The following PTGER3 variants were observed in gnomAD, a reference collection of about 807,000 sequenced individuals.
PTGER3 encodes the protein prostaglandin E2 receptor EP3 subtype.
Under a neutral mutation model 34.7 loss-of-function variants are expected in PTGER3, and 22 were observed. That is an observed-to-expected ratio of 0.63 (90% CI 0.45 to 0.91). The LOEUF is 0.91. Among genes scored for constraint, PTGER3 ranks in the 40% least tolerant of loss-of-function variants. The pLI is 0.00. For missense variants in PTGER3, 468 were observed against 519.4 expected, an observed-to-expected ratio of 0.90 and a Z score of 0.96; for synonymous variants, 241 against 230.1, an observed-to-expected ratio of 1.05 and a Z score of -0.43.
chr1:70,935,119 T>C (rs909117026), intron 4 of PTGER3, among the ~76,000 whole-genome samples: 2 of 151,960 alleles, frequency 1.3e-5, no homozygotes, highest in Admixed American at 1.3e-4. Context: ...TGCAAGAAAG[T>C]ATCTACAGGA....
intron 4 of PTGER3, among the ~76,000 whole-genome samples, chr1:70,903,934 G>T (rs902810589): frequency 6.6e-6 from 1 of 152,114 alleles, no homozygotes; most frequent in Non-Finnish European, 1.5e-5. Context: ...GAGTGATGTG[G>T]TTTTGCTGTG....
chr1:70,916,712 T>G (rs1647181887), intron 4 of PTGER3, among the ~76,000 whole-genome samples: 1 of 151,994 alleles, frequency 6.6e-6, no homozygotes, highest in Non-Finnish European at 1.5e-5. Context: ...CAATAGATAC[T>G]GCAGACAACT....
intron 2 of PTGER3, chr1:71,009,979 G>C: frequency 1.0e-6 from 1 of 985,020 alleles, no homozygotes; most frequent in Non-Finnish European, 1.2e-6. Context: ...CGAATGCCTA[G>C]ATAATAAAAC....
intron 4 of PTGER3, among the ~76,000 whole-genome samples, chr1:70,931,109 G>T (rs1338486302): frequency 6.6e-6 from 1 of 152,144 alleles, no homozygotes; most frequent in Non-Finnish European, 1.5e-5. Context: ...AAAACAAAGG[G>T]GTTTCAGGGC....
intron 1 of PTGER3, among the ~76,000 whole-genome samples, chr1:71,039,663 AAAAAAAAG>A (rs1160055252): frequency 1.1e-4 from 16 of 147,136 alleles, no homozygotes; most frequent in African/African-American, 2.0e-4. Context: ...AAAAAAAAAA[AAAAAAAAG>A]AAAAAAAGAA....
chr1:70,995,414 A>G (rs1469462758), intron 2 of PTGER3, among the ~76,000 whole-genome samples: 2 of 152,148 alleles, frequency 1.3e-5, no homozygotes, highest in Admixed American at 1.3e-4. Flanking sequence ...TCTGCTCTTG[A>G]AATAGATAGT....
intron 2 of PTGER3, among the ~76,000 whole-genome samples, chr1:70,996,274 A>C (rs1325162707): frequency 6.6e-6 from 1 of 152,140 alleles, no homozygotes; most frequent in African/African-American, 2.4e-5. Flanking sequence ...TGAATAGTTA[A>C]GTAGTAATTA....
intron 4 of PTGER3, among the ~76,000 whole-genome samples, chr1:70,864,042 C>A (rs1428900654): frequency 6.6e-6 from 1 of 152,074 alleles, no homozygotes; most frequent in Non-Finnish European, 1.5e-5. Context: ...AATCGGGTAG[C>A]AGTTGTAGCA....
intron 4 of PTGER3, among the ~76,000 whole-genome samples, chr1:70,914,823 A>G (rs1197856113): frequency 6.6e-6 from 1 of 151,962 alleles, no homozygotes; most frequent in Non-Finnish European, 1.5e-5. Flanking sequence ...GGCTCTGAGG[A>G]GTAAAGTAAG....
intron 4 of PTGER3, among the ~76,000 whole-genome samples, chr1:70,919,943 C>A (rs536821953): frequency 6.6e-6 from 1 of 152,078 alleles, no homozygotes; most frequent in Admixed American, 6.6e-5. Context: ...GTATTGAGTT[C>A]CGCTAGCCTA....
At chr1:70,922,727 T>C (rs949205806) in intron 4 of PTGER3, among the ~76,000 whole-genome samples, 1 of 152,240 alleles carries the variant, frequency 6.6e-6, no homozygotes, top group African/African-American at 2.4e-5. Context: ...AAGTAAAATG[T>C]GTTTTTTGTA....
At chr1:70,979,268 C>G (rs548062128) in intron 2 of PTGER3, among the ~76,000 whole-genome samples, 1 of 150,374 alleles carries the variant, frequency 6.7e-6, no homozygotes, top group African/African-American at 2.5e-5. Flanking sequence ...TATGCAATGT[C>G]TATAAGTGAG....
intron 4 of PTGER3, among the ~76,000 whole-genome samples, chr1:70,913,160 A>G (rs955113967): frequency 1.3e-5 from 2 of 151,804 alleles, no homozygotes; most frequent in African/African-American, 4.8e-5. Context: ...CCTCCTTTAA[A>G]TGTTTCTCAG....
intron 4 of PTGER3, among the ~76,000 whole-genome samples, chr1:70,889,284 G>T (rs115763934): frequency 6.6e-6 from 1 of 151,430 alleles, no homozygotes; most frequent in Non-Finnish European, 1.5e-5. Flanking sequence ...GCGTGGTGGC[G>T]GGTGCCTGTA....
At chr1:70,858,650 T>A (rs1374195581) in intron 4 of PTGER3, among the ~76,000 whole-genome samples, 1 of 152,192 alleles carries the variant, frequency 6.6e-6, no homozygotes, top group Admixed American at 6.5e-5. Flanking sequence ...AAAAAGATTA[T>A]AATGAGAATT....
intron 4 of PTGER3, among the ~76,000 whole-genome samples, chr1:70,894,550 T>A (rs1409226801): frequency 6.6e-6 from 1 of 152,200 alleles, no homozygotes; most frequent in Non-Finnish European, 1.5e-5. Flanking sequence ...GGAGGCAAAC[T>A]CATTTTTTTT....
rs151090246 is a variant in PTGER3, at chr1:70,912,609, G to A, written c.*23+41154C>T. Among the ~76,000 whole-genome samples the A allele has an allele frequency of 3.9e-5, 6 of 152,108 alleles. No individual in the cohort carries two copies. The East Asian group carries it at 5.8e-4, about 15-fold the overall frequency. ...GAGCTGCAAGATTGAAAAAGGCCAC[G>A]TCCTCAACATCATGGAACCAACATA... On this transcript the variant is annotated intron_variant, in intron 4 of 4. Coordinates refer to the PTGER3 transcript ENST00000370931.
intron 4 of PTGER3, among the ~76,000 whole-genome samples, chr1:70,925,147 T>C (rs1225459662): frequency 1.3e-5 from 2 of 152,074 alleles, no homozygotes; most frequent in Non-Finnish European, 2.9e-5. Context: ...TGGGATTACA[T>C]GTGACTGCCA....
chr1:70,933,729 C>A (rs568368766), intron 4 of PTGER3, among the ~76,000 whole-genome samples: 11 of 152,214 alleles, frequency 7.2e-5, no homozygotes, highest in Admixed American at 3.9e-4. Flanking sequence ...GTTATAATCA[C>A]CTAGTTTTAA....
Sources: gnomAD v4.1 joint callset for allele counts (sites outside exome capture counted in the v4.1 genomes callset) on GRCh38, gnomAD v4.1.1 for gene constraint, MANE v1.5 for transcripts, NCBI Gene and HGNC (gene_info 2026-07-23, HGNC 2026-07-21) for gene names.